The following SLC4A7 variants were observed in gnomAD, a reference collection of about 807,000 sequenced individuals.
The protein encoded by SLC4A7 is sodium bicarbonate cotransporter 3.
Under a neutral mutation model 137.6 loss-of-function variants are expected in SLC4A7, and 51 were observed. The observed-to-expected ratio is 0.37, with a 90% CI of 0.30 to 0.47. The LOEUF (loss-of-function observed/expected upper bound fraction) is 0.47, where lower values mean the gene tolerates loss of function less well. Among genes scored for constraint, SLC4A7 ranks in the 20% least tolerant of loss-of-function variants. The pLI is 1.00. For missense variants in SLC4A7, 1,247 were observed against 1,525.4 expected (o/e 0.82, Z 3.04); for synonymous variants, 542 against 518.6 (o/e 1.05, Z -0.61).
chr3:27,463,421 C>A (rs745784423), intron 1 of SLC4A7, among the ~76,000 whole-genome samples: 3 of 151,344 alleles, frequency 2.0e-5, no homozygotes, highest in African/African-American at 7.3e-5. Context: ...CAGAGCGAGA[C>A]TCCGCCTCTT....
At chr3:27,463,633 C>G (rs78079659) in intron 1 of SLC4A7, among the ~76,000 whole-genome samples, 1 of 152,116 alleles carries the variant, frequency 6.6e-6, no homozygotes, top group African/African-American at 2.4e-5. Flanking sequence ...AGAAAATCTA[C>G]GAGTGGCCTG....
At chr3:27,483,930 C>A in intron 1 of SLC4A7, 137 bp downstream of exon 1, 4 of 587,334 alleles carry the variant, frequency 6.8e-6, no homozygotes, top group Non-Finnish European at 7.2e-6. Context: ...CGAGGCGCGC[C>A]GGCCGCCGGG....
chr3:27,433,871 A>C (rs1268792519), intron 6 of SLC4A7, 45 bp downstream of exon 6: 2 of 1,503,488 alleles, frequency 1.3e-6, no homozygotes, highest in South Asian at 1.1e-5. Flanking sequence ...GAAAGCTGTT[A>C]CAGTAGAAGT....
intron 3 of SLC4A7, among the ~76,000 whole-genome samples, chr3:27,440,231 G>A (rs997853642): frequency 1.3e-5 from 2 of 152,108 alleles, no homozygotes; most frequent in African/African-American, 4.8e-5. Context: ...GAGGCTCTAG[G>A]AAAATCAAAT....
chr3:27,466,267 C>G (rs1161234617), intron 1 of SLC4A7, among the ~76,000 whole-genome samples: 1 of 150,792 alleles, frequency 6.6e-6, no homozygotes, highest in African/African-American at 2.4e-5. Context: ...CTGGCTAACA[C>G]GGTGAAACCC....
chr3:27,375,862 T>C lies in SLC4A7; in HGVS notation c.*902A>G, dbSNP rs1311255586. 2.0e-5 allele frequency: 3 copies of C among 152,066 alleles called. No homozygotes were observed. The highest frequency in any genetic ancestry group is 2.9e-5 in the Non-Finnish European group (2 of 67,912). The allele number at this position is 152,066 out of a possible 1,614,324, so 9.4% of individuals were successfully genotyped here. The stretch of plus-strand genomic sequence containing the variant: ...GAGAGAATTCTAACTCCTGATTATT[T>C]ACGCCTACTACTTATAAGAGAATAA... On this transcript the variant is annotated 3_prime_UTR_variant, in exon 26 of 26. Transcript: ENST00000454389.
At chr3:27,404,165 C>G (rs66707212) in intron 14 of SLC4A7, among the ~76,000 whole-genome samples, 25 of 152,036 alleles carry the variant, frequency 1.6e-4, no homozygotes, top group Middle Eastern at 3.2e-3. Flanking sequence ...GAGGTCAGTT[C>G]GAGACCAGCC....
intron 23 of SLC4A7, among the ~76,000 whole-genome samples, chr3:27,383,742 A>C (rs2050665417): frequency 6.6e-6 from 1 of 152,182 alleles, no homozygotes; most frequent in South Asian, 2.1e-4. Flanking sequence ...TGCCAGTAGC[A>C]GCCCCTCCAG....
chr3:27,453,901 ATGAT>A (rs1327817749), intron 1 of SLC4A7, among the ~76,000 whole-genome samples: 1 of 152,234 alleles, frequency 6.6e-6, no homozygotes, highest in African/African-American at 2.4e-5. Context: ...ATGACTCTGA[ATGAT>A]TGGTGTTCAA....
Position 27,418,576 on chromosome 3 carries a change from A to C in SLC4A7, c.1569T>G (p.Ile523Met). The C allele has an allele frequency of 6.2e-7, 1 of 1,602,838 alleles. No individual in the cohort carries two copies. The highest frequency in any genetic ancestry group is 8.5e-7 in the Non-Finnish European group (1 of 1,169,932). Reference sequence around the variant, plus strand: ...CAGTTACTTGATCTAAAAATTCATCAATTCCAGATAAGAGGTCATTTCTGT... The same window carrying C: ...CAGTTACTTGATCTAAAAATTCATCCATTCCAGATAAGAGGTCATTTCTGT... Reference protein sequence around the residue: ...AKDRNDLLSGIDEFLDQVTVL... With the variant: ...AKDRNDLLSGMDEFLDQVTVL... Residue 523 changes from isoleucine (I) to methionine (M), a missense_variant, in exon 11 of 26, where the codon ATT (isoleucine) becomes ATG (methionine). Ile to Met is a conservative substitution (Grantham distance 10). This residue lies in a region of SLC4A7 where 499 missense variants were observed against 664.2 expected (regional missense o/e 0.75). Transcript: ENST00000454389.
chr3:27,437,212 G>C (rs955615686), intron 4 of SLC4A7, among the ~76,000 whole-genome samples, 176 bp downstream of exon 4: 1 of 151,928 alleles, frequency 6.6e-6, no homozygotes, highest in South Asian at 2.1e-4. Flanking sequence ...TTAGCCAGGC[G>C]TGGTGGCGGG....
At chr3:27,447,668 CT>C (rs2057765754) in intron 3 of SLC4A7, among the ~76,000 whole-genome samples, 1 of 88,622 alleles carries the variant, frequency 1.1e-5, no homozygotes, top group African/African-American at 4.9e-5. Context: ...TTTTTTGGCT[CT>C]TTCCTTTCCC....
intron 23 of SLC4A7, among the ~76,000 whole-genome samples, chr3:27,385,278 C>T (rs567038662): frequency 4.6e-5 from 7 of 152,140 alleles, no homozygotes; most frequent in Middle Eastern, 3.4e-3. Flanking sequence ...CCGATACTAT[C>T]GAGTTGGTTA....
intron 18 of SLC4A7, among the ~76,000 whole-genome samples, chr3:27,397,301 C>G (rs1432934853): frequency 6.6e-6 from 1 of 152,156 alleles, no homozygotes; most frequent in African/African-American, 2.4e-5. Flanking sequence ...CAGGCACAAG[C>G]CACTGCACCT....
At chr3:27,431,243 G>T (rs2056245271) in intron 7 of SLC4A7, 55 bp downstream of exon 7, 2 of 1,512,528 alleles carry the variant, frequency 1.3e-6, no homozygotes, top group Non-Finnish European at 1.8e-6. Flanking sequence ...GGCATTCCAA[G>T]TGCAAGTGAC....
rs776515617 is a variant in SLC4A7 at position 27,437,514 on chromosome 3, T to C, written c.302A>G (p.Gln101Arg). Residue 101 changes from glutamine (Q) to arginine (R), a missense_variant, in exon 4 of 26, where the codon CAG becomes CGG. Around this residue, in one of 6 missense-constraint regions of SLC4A7, gnomAD observed 176 missense variants for 186.4 expected, o/e 0.94. Transcript: ENST00000454389. Reference sequence around the variant, plus strand: ...AGTACCAAGGATAAACTGAACTCTCTGGGATGGTGTATCTTTACAAAATAA... The same window carrying C: ...AGTACCAAGGATAAACTGAACTCTCCGGGATGGTGTATCTTTACAAAATAA... Reference protein sequence around the residue: ...RESPSYDTPSQRVQFILGTED... With the variant: ...RESPSYDTPSRRVQFILGTED... 6.4e-7 allele frequency: 1 copy of C among 1,565,950 alleles called. No homozygotes were observed. The highest frequency in any genetic ancestry group is 8.6e-7 in the Non-Finnish European group (1 of 1,160,356).
Position 27,376,811 on chromosome 3 carries a change from C to T in SLC4A7, c.3733G>A (p.Glu1245Lys). 1 of 1,598,510 alleles carries T rather than the reference C, an allele frequency of 6.3e-7. No homozygotes were observed. ...DKPVSVKISF[E>K]DEPRKKYVDA... ...ACGTATTTCTTTCTTGGTTCATCTT[C>T]AAAACTTATTTTCACACTCACAGGT... The change falls in exon 26 of 26, where the codon GAA becomes AAA. Residue 1245 changes from glutamate (E) to lysine (K), a missense_variant. By Grantham distance (56) the Glu-to-Lys change is moderately conservative (BLOSUM62 1). Around this residue, in one of 6 missense-constraint regions of SLC4A7, gnomAD observed 290 missense variants for 323.8 expected, o/e 0.90. Coordinates refer to ENST00000454389, the MANE Select transcript of SLC4A7 (RefSeq NM_001321103.2).
At chr3:27,457,766 T>G (rs779502175) in intron 1 of SLC4A7, among the ~76,000 whole-genome samples, 1 of 152,150 alleles carries the variant, frequency 6.6e-6, no homozygotes, top group Non-Finnish European at 1.5e-5. Context: ...AAATCACACT[T>G]GTTAATAATA....
At chr3:27,473,502 G>A (rs1335928787) in intron 1 of SLC4A7, among the ~76,000 whole-genome samples, 1 of 151,634 alleles carries the variant, frequency 6.6e-6, no homozygotes, top group East Asian at 2.0e-4. Flanking sequence ...CGGATCACTT[G>A]AGCTTAGGAG....
Sources: allele counts gnomAD v4.1 joint callset (sites outside exome capture counted in the v4.1 genomes callset), GRCh38; gene constraint gnomAD v4.1.1; regional missense constraint gnomAD v4.1.1; transcripts MANE v1.5; gene names NCBI Gene and HGNC (gene_info 2026-07-23, HGNC 2026-07-21).